BNIP3: variants seen among roughly 807,000 people sequenced by gnomAD.
BNIP3 encodes the protein BCL2/adenovirus E1B 19 kDa protein-interacting protein 3.
In BNIP3, 16 loss-of-function variants were observed where a neutral mutation model predicts 23.9. The ratio of observed to expected loss-of-function variants is 0.67; its 90% CI spans 0.45 to 1.01. The LOEUF is 1.01. Ranked by LOEUF, BNIP3 falls within the 50% of genes least tolerant of loss-of-function variation. The probability of loss-of-function intolerance (pLI) is 0.00; values close to 1 mark genes in which losing one functional copy is unlikely to be tolerated. For synonymous variants in BNIP3, 81 were observed against 89.3 expected (o/e 0.91, Z 0.53); for missense variants, 198 against 248.7 (o/e 0.80, Z 1.37).
intron 3 of BNIP3, among the ~76,000 whole-genome samples, chr10:131,972,794 C>T (rs4880402): frequency 1.3e-5 from 2 of 149,406 alleles, no homozygotes; most frequent in Non-Finnish European, 2.9e-5. Context: ...GGACAGGAGG[C>T]CCCCGCTGCC....
At chr10:131,974,460 T>A (rs2037064990) in intron 1 of BNIP3, among the ~76,000 whole-genome samples, 1 of 152,230 alleles carries the variant, frequency 6.6e-6, no homozygotes, top group African/African-American at 2.4e-5. Flanking sequence ...CGATGAAGGC[T>A]CACTATAATC....
At chr10:131,979,365 A>G in intron 1 of BNIP3, among the ~76,000 whole-genome samples, 1 of 151,896 alleles carries the variant, frequency 6.6e-6, no homozygotes, top group East Asian at 1.9e-4. Context: ...GCCTCTGACA[A>G]GAGAGAGAAC....
rs1448811436 is a variant in BNIP3 at position 131,980,764 on chromosome 10, T to C, written c.46+997A>G. 5.9e-5 allele frequency: 9 copies of C among 152,334 alleles called. No individual in the cohort carries two copies. The South Asian group carries it at 1.7e-3, about 28-fold the overall frequency. The allele number at this position is 152,334 out of a possible 1,614,324, so 9.4% of individuals were successfully genotyped here. On this transcript the variant is annotated intron_variant, in intron 1 of 5. Transcript: ENST00000368636. Reference sequence around the variant, plus strand: ...CTCTCAATGAAGATTAAAAGTTCACTGTCAGAGGTTTCAGCAGTCCTTTCC... The same window carrying C: ...CTCTCAATGAAGATTAAAAGTTCACCGTCAGAGGTTTCAGCAGTCCTTTCC...
rs1291998571 is a variant in BNIP3 at position 131,973,032 on chromosome 10, A to G, written c.282+2T>C. Reference sequence around the variant, plus strand: ...CAACTGCACATTCTCCTTCCAGCTTACCTGTGAGCTGTTTTTCTCTCCAAT... The same window carrying G: ...CAACTGCACATTCTCCTTCCAGCTTGCCTGTGAGCTGTTTTTCTCTCCAAT... On this transcript the variant is annotated splice_donor_variant, in intron 3 of 5. Coordinates refer to ENST00000368636, the MANE Select transcript of BNIP3 (RefSeq NM_004052.4). LOFTEE classifies it high-confidence loss of function. 6.2e-7 allele frequency: 1 copy of G among 1,611,580 alleles called. No homozygotes were observed.
intron 1 of BNIP3, among the ~76,000 whole-genome samples, chr10:131,978,800 A>G (rs928162): frequency 1 from 151,940 of 152,370 alleles, 75,756 homozygotes; most frequent in East Asian, 1. Context: ...CAGAAAAAAA[A>G]CCTGAAGCAG....
chr10:131,977,548 C>T (rs1247494931), intron 1 of BNIP3, among the ~76,000 whole-genome samples: 2 of 152,190 alleles, frequency 1.3e-5, no homozygotes, highest in African/African-American at 4.8e-5. Context: ...CATCTGGTGT[C>T]GGCTGAGGGC....
chr10:131,972,884 T>A (rs1356022874), intron 3 of BNIP3, 150 bp downstream of exon 3: 1 of 725,382 alleles, frequency 1.4e-6, no homozygotes, highest in African/African-American at 1.8e-5. Flanking sequence ...AGTTTCTTGG[T>A]TTTTTTGTTT....
Position 131,973,028 on chromosome 10 carries a change from G to A in BNIP3, c.282+6C>T. On this transcript the variant is annotated splice_donor_region_variant and intron_variant, in intron 3 of 5. Coordinates refer to ENST00000368636, the MANE Select transcript of BNIP3 (RefSeq NM_004052.4). ...TTTACAACTGCACATTCTCCTTCCA[G>A]CTTACCTGTGAGCTGTTTTTCTCTC... The A allele has an allele frequency of 6.2e-7, 1 of 1,610,882 alleles. No individual in the cohort carries two copies. Among genetic ancestry groups the A allele is most frequent in the Middle Eastern group, 1.7e-4 (1 of 6,056 alleles).
In BNIP3 at chr10:131,972,931, A is replaced by G. The variant is rs560032635; in HGVS notation, c.282+103T>C. On this transcript the variant is annotated intron_variant, in intron 3 of 5. Coordinates refer to ENST00000368636, the MANE Select transcript of BNIP3 (RefSeq NM_004052.4). ...TTTTTTTAAAGCAGGAAACACCCTT[A>G]AAGCCCGACTTTTCTCTGAGGTGCT... 3.0e-5 allele frequency: 36 copies of G among 1,203,672 alleles called. No homozygotes were observed. The East Asian group carries it at 8.2e-4, about 28-fold the overall frequency. The allele number at this position is 1,203,672 out of a possible 1,614,324, so 74.6% of individuals were successfully genotyped here. A position where few individuals can be genotyped will look rare whatever the true frequency, so the allele number is the denominator to read the frequency against.
rs1456238771 is a variant in BNIP3 at position 131,970,350 on chromosome 10, AAG to A, written c.539+286_539+287del. On this transcript the variant is annotated intron_variant, in intron 5 of 5. Coordinates refer to ENST00000368636, the MANE Select transcript of BNIP3 (RefSeq NM_004052.4). The surrounding 1 kb of genome is among the most constrained non-coding windows in gnomAD (Gnocchi z 4.1). ...ACTGCTTTCACCTACACACAGGACAAAGAGGTCAGACCTAAGAAGCCCTGCTT... is the reference window on the plus strand; with the variant it reads ...ACTGCTTTCACCTACACACAGGACAAAGGTCAGACCTAAGAAGCCCTGCTT... 6.3e-6 allele frequency: 3 copies of A among 477,578 alleles called. No homozygotes were observed. The highest frequency in any genetic ancestry group is 1.1e-5 in the Non-Finnish European group (3 of 265,074). 29.6% of individuals were successfully genotyped at this position (477,578 alleles called of 1,614,324 possible).
chr10:131,979,827 C>T (rs2037105428), intron 1 of BNIP3, among the ~76,000 whole-genome samples: 1 of 152,258 alleles, frequency 6.6e-6, no homozygotes, highest in Middle Eastern at 3.2e-3. Flanking sequence ...GGAGAGAGTG[C>T]TTGCTGCTTC....
chr10:131,969,360 C>T (rs1156314844), intron 5 of BNIP3: 1 of 152,138 alleles, frequency 6.6e-6, no homozygotes, highest in African/African-American at 2.4e-5. Flanking sequence ...AAATGAGGAT[C>T]CCGAGGCCTT....
chr10:131,972,169 C>T (rs971965943), intron 3 of BNIP3, among the ~76,000 whole-genome samples: 13 of 152,112 alleles, frequency 8.5e-5, no homozygotes, highest in Non-Finnish European at 1.3e-4. Flanking sequence ...AAGGCAATAA[C>T]CCCAGGTACA....
At chr10:131,973,467 G>C in intron 2 of BNIP3, 1 of 437,666 alleles carries the variant, frequency 2.3e-6, no homozygotes, top group Non-Finnish European at 4.2e-6. Context: ...TCACTCAGAA[G>C]TACTGCTAAC....
Position 131,976,510 on chromosome 10 carries a change from A to G in BNIP3, c.47-2567T>C, listed in dbSNP as rs2037078856. Among the ~76,000 whole-genome samples the G allele has an allele frequency of 6.6e-6, 1 of 152,188 alleles. No individual in the cohort carries two copies. The highest frequency in any genetic ancestry group is 1.5e-5 in the Non-Finnish European group (1 of 68,034). ...ATTTACTACAATTCACAGAACTCAG[A>G]AAAACTCTTTACTTACATTTATCAG... On this transcript the variant is annotated intron_variant, in intron 1 of 5. Transcript: ENST00000368636. This position sits in a 1 kb window ranked among gnomAD's most constrained non-coding sequence, Gnocchi z 4.3.
chr10:131,968,094 A>G lies in BNIP3; in HGVS notation c.*430T>C, dbSNP rs1241860784. ...ACAATAGTGTGATATATAAGGCCAC[A>G]ATATTTATTTTGGACAAACCCCTTA... On this transcript the variant is annotated 3_prime_UTR_variant, in exon 6 of 6. Coordinates refer to ENST00000368636, the MANE Select transcript of BNIP3 (RefSeq NM_004052.4). 1 of 156,306 alleles carries G rather than the reference A, an allele frequency of 6.4e-6. No individual in the cohort carries two copies. The highest frequency in any genetic ancestry group is 1.4e-5 in the Non-Finnish European group (1 of 70,338). The allele number at this position is 156,306 out of a possible 1,614,324, so 9.7% of individuals were successfully genotyped here.
intron 3 of BNIP3, among the ~76,000 whole-genome samples, chr10:131,971,872 C>T (rs985986585): frequency 6.6e-6 from 1 of 152,198 alleles, no homozygotes; most frequent in African/African-American, 2.4e-5. Context: ...GCCTGGGTAA[C>T]AGGGACTCCT....
Position 131,970,649 on chromosome 10 carries a change from G to A in BNIP3, c.528C>T (p.Ala176=). ...LPSLLLSHLL[A]IGLGIYIGRR... ...GTCACATCACCTACCCCAATCCGATGGCCAGCAAATGAGAGAGCAGCAGAG... is the reference window on the plus strand; with the variant it reads ...GTCACATCACCTACCCCAATCCGATAGCCAGCAAATGAGAGAGCAGCAGAG... The change falls in exon 5 of 6, where the codon GCC becomes GCT. Residue 176 remains alanine, a synonymous_variant. Coordinates refer to ENST00000368636, the MANE Select transcript of BNIP3 (RefSeq NM_004052.4). The surrounding 1 kb of genome is among the most constrained non-coding windows in gnomAD (Gnocchi z 4.1). The A allele has an allele frequency of 4.3e-6, 7 of 1,614,096 alleles. No individual in the cohort carries two copies. The highest frequency in any genetic ancestry group is 5.1e-6 in the Non-Finnish European group (6 of 1,180,002).
rs2037022247 is a variant in BNIP3 at position 131,970,645 on chromosome 10, C to T, written c.532G>A (p.Gly178Arg). 1.9e-6 allele frequency: 3 copies of T among 1,613,970 alleles called. No homozygotes were observed. The highest frequency in any genetic ancestry group is 2.5e-6 in the Non-Finnish European group (3 of 1,179,952). ...CACAGTCACATCACCTACCCCAATC[C>T]GATGGCCAGCAAATGAGAGAGCAGC... ...SLLLSHLLAI[G>R]LGIYIGRRLT... The change falls in exon 5 of 6, where the codon GGA becomes AGA. Residue 178 changes from glycine to arginine, a missense_variant. Gly to Arg is a moderately radical substitution (Grantham distance 125). Transcript: ENST00000368636. The surrounding 1 kb of genome is among the most constrained non-coding windows in gnomAD (Gnocchi z 4.1).
Sources: gnomAD v4.1 joint callset for allele counts (sites outside exome capture counted in the v4.1 genomes callset) on GRCh38, gnomAD v4.1.1 for gene constraint, Gnocchi (gnomAD v3.1) non-coding constraint, MANE v1.5 for transcripts, NCBI Gene and HGNC (gene_info 2026-07-23, HGNC 2026-07-21) for gene names.